RUNX1: variants seen among roughly 807,000 people sequenced by gnomAD.
The protein encoded by RUNX1 is runt-related transcription factor 1.
RUNX1 carries 19 observed loss-of-function variants against 42.8 expected under a neutral mutation model. The ratio of observed to expected loss-of-function variants is 0.44; its 90% CI spans 0.31 to 0.65. The LOEUF (loss-of-function observed/expected upper bound fraction) is 0.65. RUNX1 is among the 30% of genes least tolerant of loss of function. The probability of loss-of-function intolerance (pLI) is 0.07; values close to 1 mark genes in which losing one functional copy is unlikely to be tolerated. For synonymous variants in RUNX1, 271 were observed against 289.4 expected (o/e 0.94, Z 0.64); for missense variants, 528 against 672.0 (o/e 0.79, Z 2.37).
chr21:34,861,887 T>C (rs1192637020), intron 5 of RUNX1, among the ~76,000 whole-genome samples: 1 of 152,190 alleles, frequency 6.6e-6, no homozygotes, highest in East Asian at 1.9e-4. Flanking sequence ...TAGGGTGTCA[T>C]ACTGAATGCA....
At chr21:34,880,882 G>A (rs2057894907) in intron 4 of RUNX1, among the ~76,000 whole-genome samples, 169 bp from the exon 5 acceptor site, 1 of 152,208 alleles carries the variant, frequency 6.6e-6, no homozygotes. Context: ...AAGTTATAAA[G>A]AGAAGACACT....
At chr21:34,920,919 C>A (rs562966898) in intron 2 of RUNX1, among the ~76,000 whole-genome samples, 1 of 152,074 alleles carries the variant, frequency 6.6e-6, no homozygotes, top group Non-Finnish European at 1.5e-5. Context: ...AGTGCAGTGG[C>A]GTGATCTTGG....
Position 34,791,978 on chromosome 21 carries a change from C to A in RUNX1, c.*157G>T. On this transcript the variant is annotated 3_prime_UTR_variant, in exon 9 of 9. Transcript: ENST00000675419. ...GGCGCAGGAGGCTGCGCGGGCCTGACCTACAGCGAGATCCTGGCCGTCGGG... is the reference window on the plus strand; with the variant it reads ...GGCGCAGGAGGCTGCGCGGGCCTGAACTACAGCGAGATCCTGGCCGTCGGG... 4.4e-6 allele frequency: 2 copies of A among 454,572 alleles called. No individual in the cohort carries two copies. Among genetic ancestry groups the A allele is most frequent in the Non-Finnish European group, 7.8e-6 (2 of 254,936 alleles). The allele number at this position is 454,572 out of a possible 1,614,324, so 28.2% of individuals were successfully genotyped here.
intron 7 of RUNX1, among the ~76,000 whole-genome samples, chr21:34,820,676 C>T (rs919228457): frequency 2.6e-5 from 4 of 151,640 alleles, no homozygotes; most frequent in Non-Finnish European, 5.9e-5. Context: ...CTCCTTAGCA[C>T]GAATTCAACC....
intron 2 of RUNX1, among the ~76,000 whole-genome samples, chr21:34,919,648 A>C (rs1367533477): frequency 6.6e-6 from 1 of 152,224 alleles, no homozygotes; most frequent in Non-Finnish European, 1.5e-5. Context: ...TAGCATGGAG[A>C]TAAAAATACT....
intron 7 of RUNX1, among the ~76,000 whole-genome samples, chr21:34,826,946 C>T (rs550969132): frequency 3.9e-5 from 6 of 152,240 alleles, no homozygotes; most frequent in African/African-American, 1.2e-4. Context: ...TTGCCAAGAA[C>T]GGTTCTGCCA....
At chr21:35,028,449 C>A (rs1017156643) in intron 2 of RUNX1, among the ~76,000 whole-genome samples, 7 of 152,196 alleles carry the variant, frequency 4.6e-5, no homozygotes, top group African/African-American at 1.7e-4. Flanking sequence ...ACTCCTGGAG[C>A]CACCTGGCTG....
chr21:35,041,727 A>G (rs1489944584), intron 2 of RUNX1, among the ~76,000 whole-genome samples: 1 of 151,626 alleles, frequency 6.6e-6, no homozygotes, highest in Non-Finnish European at 1.5e-5. Context: ...CATGCTGAGG[A>G]AATAGACAGG....
intron 7 of RUNX1, among the ~76,000 whole-genome samples, chr21:34,809,730 A>G (rs1271323615): frequency 6.6e-6 from 1 of 152,156 alleles, no homozygotes; most frequent in Non-Finnish European, 1.5e-5. Flanking sequence ...CTCTGGCTAA[A>G]CAGATACAGT....
intron 2 of RUNX1, among the ~76,000 whole-genome samples, chr21:35,019,342 G>T (rs2059181761): frequency 6.6e-6 from 1 of 152,088 alleles, no homozygotes; most frequent in African/African-American, 2.4e-5. Context: ...AATGGCTATG[G>T]TATTACTGCA....
rs542290444 is a variant in RUNX1, at chr21:34,901,827, A to T, written c.59-8864T>A. Among the ~76,000 whole-genome samples, 3 of 152,240 alleles carry T rather than the reference A, an allele frequency of 2.0e-5. No homozygotes were observed. The highest frequency in any genetic ancestry group is 4.4e-5 in the Non-Finnish European group (3 of 68,012). On this transcript the variant is annotated intron_variant, in intron 2 of 8. Transcript: ENST00000675419. The surrounding 1 kb of genome is among the most constrained non-coding windows in gnomAD (Gnocchi z 4.3). ...CTGAAAATTGCGCTCCAGGGAGGGG[A>T]GTTTAGGGACTTGTCCATGGCTTTC... is the stretch of plus-strand genomic sequence containing the variant.
chr21:34,961,970 G>A (rs1466513580), intron 2 of RUNX1, among the ~76,000 whole-genome samples: 4 of 152,008 alleles, frequency 2.6e-5, no homozygotes, highest in Admixed American at 2.0e-4. Context: ...ACAACTCACT[G>A]TAGCCTCAAT....
At position 34,953,756 on chromosome 21, in the gene RUNX1, C is replaced by T. The variant is rs1192252976; in HGVS notation, c.59-60793G>A. ...GGAAAGACAAATCCACAACTCACTA[C>T]AGTATGGTCTGAATGTGACTTGATC... On this transcript the variant is annotated intron_variant, in intron 2 of 8. Transcript: ENST00000675419. Among the ~76,000 whole-genome samples, 6 of 152,162 alleles carry T rather than the reference C, an allele frequency of 3.9e-5. No individual in the cohort carries two copies. The East Asian group carries it at 9.6e-4, about 24-fold the overall frequency.
chr21:34,895,128 G>A (rs1245874276), intron 2 of RUNX1, among the ~76,000 whole-genome samples: 2 of 152,172 alleles, frequency 1.3e-5, no homozygotes, highest in African/African-American at 2.4e-5. Context: ...ATCATTAGGA[G>A]TCAGATTTTA....
chr21:34,892,428 G>A (rs917410503), intron 3 of RUNX1, among the ~76,000 whole-genome samples: 2 of 152,194 alleles, frequency 1.3e-5, no homozygotes, highest in Non-Finnish European at 2.9e-5. Context: ...GAATGTTTCT[G>A]TGGGATGCTA....
In RUNX1 at chr21:34,868,995, C is replaced by A. The variant is rs912921373; in HGVS notation, c.509-9417G>T. On this transcript the variant is annotated intron_variant, in intron 5 of 8. Coordinates refer to ENST00000675419, the MANE Select transcript of RUNX1 (RefSeq NM_001754.5). ...AAAGTTTGTAATTATATTATTATTA[C>A]ATAGGCTTTTACTTGTGAATACTTA... Among the ~76,000 whole-genome samples the A allele has an allele frequency of 4.6e-5, 7 of 152,182 alleles. No homozygotes were observed. In the South Asian group the frequency reaches 1.4e-3, roughly 32 times the overall value.
chr21:34,958,109 A>C (rs1289245394), intron 2 of RUNX1, among the ~76,000 whole-genome samples: 1 of 152,174 alleles, frequency 6.6e-6, no homozygotes, highest in Non-Finnish European at 1.5e-5. Context: ...CTGTGAGATA[A>C]AGGGCTGTCT....
chr21:34,939,242 G>C (rs2058508871), intron 2 of RUNX1, among the ~76,000 whole-genome samples: 1 of 152,184 alleles, frequency 6.6e-6, no homozygotes, highest in Non-Finnish European at 1.5e-5. Flanking sequence ...TACTTTGCTA[G>C]GCTCAACAGA....
chr21:35,011,178 A>G (rs2059124060), intron 2 of RUNX1, among the ~76,000 whole-genome samples: 1 of 152,194 alleles, frequency 6.6e-6, no homozygotes, highest in Non-Finnish European at 1.5e-5. Flanking sequence ...AACTGGGGAT[A>G]AATGGTGCAC....
Sources: allele counts gnomAD v4.1 joint callset (sites outside exome capture counted in the v4.1 genomes callset), GRCh38; gene constraint gnomAD v4.1.1; non-coding constraint Gnocchi (gnomAD v3.1); transcripts MANE v1.5; gene names NCBI Gene and HGNC (gene_info 2026-07-23, HGNC 2026-07-21).